The following NRXN3 variants were observed in gnomAD, a reference collection of about 807,000 sequenced individuals.
The protein encoded by NRXN3 is neurexin III.
Under a neutral mutation model 137.6 loss-of-function variants are expected in NRXN3, and 32 were observed. The ratio of observed to expected loss-of-function variants is 0.23; its 90% confidence interval spans 0.18 to 0.31. The LOEUF is 0.31. NRXN3 is among the 10% of genes least tolerant of loss of function. NRXN3 has a pLI of 1.00. For synonymous variants in NRXN3, 798 were observed against 784.5 expected, an observed-to-expected ratio of 1.02 and a Z score of -0.29; for missense variants, 1,574 against 2,062.5, an observed-to-expected ratio of 0.76 and a Z score of 4.59.
chr14:78,750,396 TC>T (rs1192457141), intron 8 of NRXN3, among the ~76,000 whole-genome samples: 1 of 152,190 alleles, frequency 6.6e-6, no homozygotes, highest in Non-Finnish European at 1.5e-5. Flanking sequence ...GAGTAGGTGA[TC>T]TTGTTATGCT....
intron 16 of NRXN3, among the ~76,000 whole-genome samples, chr14:79,511,074 A>G (rs555303836): frequency 1.4e-4 from 21 of 152,330 alleles, no homozygotes; most frequent in Admixed American, 5.2e-4. Flanking sequence ...TTAAAGAGGA[A>G]GAAATAGGAA....
At chr14:78,765,738 T>TAC (rs1340470153) in intron 8 of NRXN3, among the ~76,000 whole-genome samples, 38 of 151,360 alleles carry the variant, frequency 2.5e-4, no homozygotes, top group East Asian at 9.7e-4. Context: ...TATATATATA[T>TAC]ACACACACAC....
chr14:78,854,993 G>A (rs193110324), intron 10 of NRXN3, among the ~76,000 whole-genome samples: 54 of 151,936 alleles, frequency 3.6e-4, no homozygotes, highest in Non-Finnish European at 6.0e-4. Context: ...GTGAAACCCC[G>A]TCTCTACTAA....
intron 14 of NRXN3, among the ~76,000 whole-genome samples, chr14:78,982,218 A>C (rs1213950280): frequency 6.6e-6 from 1 of 152,222 alleles, no homozygotes; most frequent in Non-Finnish European, 1.5e-5. Flanking sequence ...TAAATTCTAA[A>C]TGAATGGCTT....
intron 15 of NRXN3, among the ~76,000 whole-genome samples, chr14:79,237,754 G>C (rs1213985009): frequency 6.6e-6 from 1 of 152,154 alleles, no homozygotes; most frequent in Non-Finnish European, 1.5e-5. Flanking sequence ...CAGTTTGAAG[G>C]AAATAGTATG....
intron 15 of NRXN3, among the ~76,000 whole-genome samples, chr14:79,121,881 A>G (rs1316505148): frequency 1.3e-4 from 20 of 152,230 alleles, no homozygotes; most frequent in Admixed American, 1.1e-3. Flanking sequence ...AAATTCATGC[A>G]TATTACAACC....
At chr14:79,257,351 G>A (rs1347094623) in intron 15 of NRXN3, among the ~76,000 whole-genome samples, 2 of 99,906 alleles carry the variant, frequency 2.0e-5, no homozygotes, top group Non-Finnish European at 2.1e-5. Flanking sequence ...TCCTGGTGGT[G>A]GTGGTGGTGG....
At chr14:79,783,235 T>C (rs1302947289) in intron 19 of NRXN3, among the ~76,000 whole-genome samples, 1 of 152,218 alleles carries the variant, frequency 6.6e-6, no homozygotes, top group Non-Finnish European at 1.5e-5. Context: ...AAGTGGACGT[T>C]AATTGGCAGT....
At chr14:79,750,560 G>A (rs1472047411) in intron 19 of NRXN3, among the ~76,000 whole-genome samples, 1 of 152,102 alleles carries the variant, frequency 6.6e-6, no homozygotes, top group African/African-American at 2.4e-5. Flanking sequence ...AAATCTGTTT[G>A]ATGAAGGTCA....
At chr14:78,405,585 G>A (rs1335246983) in intron 4 of NRXN3, among the ~76,000 whole-genome samples, 1 of 133,346 alleles carries the variant, frequency 7.5e-6, no homozygotes, top group African/African-American at 3.0e-5. Context: ...AACTTGAATT[G>A]GCTTTAGAGT....
chr14:78,641,138 A>G (rs1212156264), intron 4 of NRXN3, among the ~76,000 whole-genome samples: 1 of 152,200 alleles, frequency 6.6e-6, no homozygotes, highest in African/African-American at 2.4e-5. Context: ...AGGATTGAAT[A>G]AGGTTAGAAA....
At chr14:79,277,890 T>C (rs2080545589) in intron 15 of NRXN3, among the ~76,000 whole-genome samples, 1 of 152,172 alleles carries the variant, frequency 6.6e-6, no homozygotes, top group African/African-American at 2.4e-5. Flanking sequence ...CTTGAAGCTT[T>C]TGGAGGACAC....
chr14:79,857,433 AG>A (rs1307705718), intron 20 of NRXN3, among the ~76,000 whole-genome samples: 9 of 152,276 alleles, frequency 5.9e-5, no homozygotes, highest in Admixed American at 4.6e-4. Context: ...CGTGTTAGCC[AG>A]GATGGTTTCG....
At chr14:78,255,078 G>A (rs1393041032) in intron 2 of NRXN3, among the ~76,000 whole-genome samples, 3 of 148,622 alleles carry the variant, frequency 2.0e-5, no homozygotes, top group Non-Finnish European at 3.0e-5. Flanking sequence ...AGCCTGCCAA[G>A]CAAATTCGCT....
intron 4 of NRXN3, among the ~76,000 whole-genome samples, chr14:78,552,746 T>TG (rs2096704882): frequency 6.6e-6 from 1 of 152,224 alleles, no homozygotes; most frequent in South Asian, 2.1e-4. Context: ...AGTTGATTAA[T>TG]GGGTACAAAT....
intron 10 of NRXN3, among the ~76,000 whole-genome samples, chr14:78,918,614 G>A (rs1260601450): frequency 1.3e-5 from 2 of 152,158 alleles, no homozygotes; most frequent in African/African-American, 4.8e-5. Flanking sequence ...CCTTCCTTCA[G>A]AATTGAGCTG....
chr14:78,658,132 G>A (rs1332883227), intron 6 of NRXN3, among the ~76,000 whole-genome samples: 1 of 152,072 alleles, frequency 6.6e-6, no homozygotes, highest in Non-Finnish European at 1.5e-5. Context: ...CCTTTTTCCT[G>A]TCATGAAGAC....
At chr14:79,063,720 A>G (rs1310520944) in intron 15 of NRXN3, among the ~76,000 whole-genome samples, 2 of 152,200 alleles carry the variant, frequency 1.3e-5, no homozygotes, top group African/African-American at 4.8e-5. Context: ...GGAAAGAGAA[A>G]AAAACCAGGA....
chr14:79,775,360 A>G (rs553052327), intron 19 of NRXN3, among the ~76,000 whole-genome samples: 1 of 152,178 alleles, frequency 6.6e-6, no homozygotes, highest in Admixed American at 6.5e-5. Context: ...ATATACACCA[A>G]ACCCAGAATC....
Sources: gnomAD v4.1 joint callset for allele counts (sites outside exome capture counted in the v4.1 genomes callset) on GRCh38, gnomAD v4.1.1 for gene constraint, MANE v1.5 for transcripts, NCBI Gene and HGNC (gene_info 2026-07-23, HGNC 2026-07-21) for gene names.